The following PMFBP1 variants were observed in gnomAD, a reference collection of about 807,000 sequenced individuals.
PMFBP1 encodes the protein polyamine-modulated factor 1-binding protein 1.
PMFBP1 carries 131 observed loss-of-function variants against 137.8 expected under a neutral mutation model. The ratio of observed to expected loss-of-function variants is 0.95; its 90% CI spans 0.82 to 1.10. The LOEUF (loss-of-function observed/expected upper bound fraction) is 1.10. PMFBP1 is among the 50% of genes least tolerant of loss of function. The pLI, the probability that PMFBP1 is intolerant of heterozygous loss-of-function variation, is 0.00. For synonymous variants in PMFBP1, 490 were observed against 450.4 expected (o/e 1.09, Z -1.11); for missense variants, 1,199 against 1,175.4 (o/e 1.02, Z -0.29).
At chr16:72,230,086 T>C in the PMFBP1 span, among the ~76,000 whole-genome samples, 9 of 152,316 alleles carry the variant, frequency 5.9e-5, no homozygotes, top group Middle Eastern at 3.4e-3. Context: ...CATGTGATGA[T>C]TGAGTTGAAT....
chr16:72,128,599 C>T (rs2042498068), intron 14 of PMFBP1, 58 bp downstream of exon 14: 3 of 1,613,532 alleles, frequency 1.9e-6, no homozygotes, highest in Non-Finnish European at 2.5e-6. Context: ...GTACAGATTT[C>T]AGGTCAAGGG....
intron 5 of PMFBP1, among the ~76,000 whole-genome samples, chr16:72,149,226 G>C (rs1417328098): frequency 6.6e-6 from 1 of 152,196 alleles, no homozygotes; most frequent in Non-Finnish European, 1.5e-5. Context: ...CTACCCATCA[G>C]TGTTTAGCAC....
the PMFBP1 span, among the ~76,000 whole-genome samples, chr16:72,213,741 T>C: frequency 6.6e-6 from 1 of 152,214 alleles, no homozygotes; most frequent in Non-Finnish European, 1.5e-5. Flanking sequence ...CAGTGATAGA[T>C]AACTAATACA....
chr16:72,143,451 A>G (rs1382974760), intron 5 of PMFBP1, among the ~76,000 whole-genome samples: 1 of 152,224 alleles, frequency 6.6e-6, no homozygotes, highest in African/African-American at 2.4e-5. Flanking sequence ...CAACAGTAAT[A>G]ATACAATTAG....
chr16:72,235,397 A>G, the PMFBP1 span, among the ~76,000 whole-genome samples: 1 of 151,954 alleles, frequency 6.6e-6, no homozygotes, highest in Admixed American at 6.6e-5. Flanking sequence ...TTATGCCATT[A>G]CCACACTGTC....
the PMFBP1 span, among the ~76,000 whole-genome samples, chr16:72,233,414 G>C: frequency 6.6e-6 from 1 of 152,098 alleles, no homozygotes; most frequent in Non-Finnish European, 1.5e-5. Flanking sequence ...TGTTGGGCTT[G>C]GACACATTTA....
chr16:72,185,151 G>A, the PMFBP1 span, among the ~76,000 whole-genome samples: 1 of 151,976 alleles, frequency 6.6e-6, no homozygotes, highest in Non-Finnish European at 1.5e-5. Flanking sequence ...AGCCTCCTGA[G>A]TAGCTGGGAT....
chr16:72,124,668 G>C, intron 17 of PMFBP1, 99 bp downstream of exon 17: 5 of 1,427,044 alleles, frequency 3.5e-6, no homozygotes, highest in East Asian at 2.3e-5. Context: ...TTGCTCCCAG[G>C]CTCTCCCACC....
At chr16:72,136,331 G>A (rs2042630502) in intron 9 of PMFBP1, 117 bp downstream of exon 9, 3 of 1,183,196 alleles carry the variant, frequency 2.5e-6, no homozygotes, top group East Asian at 2.3e-5. Flanking sequence ...CCATCTCACT[G>A]TGCTTGTGTT....
At chr16:72,145,317 T>G (rs1379143099) in intron 5 of PMFBP1, among the ~76,000 whole-genome samples, 2 of 152,178 alleles carry the variant, frequency 1.3e-5, no homozygotes, top group Admixed American at 1.3e-4. Context: ...GAAATAAAGA[T>G]GTTCTTTGAA....
At chr16:72,153,094 A>G (rs368151635) in intron 4 of PMFBP1, among the ~76,000 whole-genome samples, 1 of 152,240 alleles carries the variant, frequency 6.6e-6, no homozygotes, top group Non-Finnish European at 1.5e-5. Context: ...CAACTCATTC[A>G]GGGTCACTTT....
intron 13 of PMFBP1, 57 bp downstream of exon 13, chr16:72,129,009 G>T: frequency 6.3e-7 from 1 of 1,575,882 alleles, no homozygotes. Context: ...AGGCCCAGGT[G>T]GGGTCATGTC....
chr16:72,177,212 C>T (rs1277767587), upstream of PMFBP1, among the ~76,000 whole-genome samples: 1 of 152,196 alleles, frequency 6.6e-6, no homozygotes, highest in Non-Finnish European at 1.5e-5. Flanking sequence ...ATTCTTTCTG[C>T]CTGTCCAAAG....
At chr16:72,215,445 T>A in the PMFBP1 span, among the ~76,000 whole-genome samples, 2 of 151,876 alleles carry the variant, frequency 1.3e-5, no homozygotes, top group Non-Finnish European at 2.9e-5. Flanking sequence ...GATAATCATA[T>A]CAGAAGATAA....
the PMFBP1 span, among the ~76,000 whole-genome samples, chr16:72,189,716 CTGAGACCA>C: frequency 0.024 from 3,648 of 152,294 alleles, 59 homozygotes; most frequent in Non-Finnish European, 0.036. Context: ...GACCAATTCA[CTGAGACCA>C]TGGTATTGCA....
At position 72,140,928 on chromosome 16, in the gene PMFBP1, C is replaced by CTTTTTTTTTTTTTT. The variant is rs35908141; in HGVS notation, c.637-360_637-347dup. 5.0e-4 allele frequency among the ~76,000 whole-genome samples: 35 copies of CTTTTTTTTTTTTTT among 69,796 alleles called. 3 individuals are homozygous for CTTTTTTTTTTTTTT. The highest frequency in any genetic ancestry group is 6.9e-4 in the Non-Finnish European group (27 of 39,210). The allele number at this position is 69,796 out of a possible 152,430, so 45.8% of individuals were successfully genotyped here. ...CACTTTTTTTCTTACACAAATGAGT[C>CTTTTTTTTTTTTTT]TTTTTTTTTTTTTTTTTTTTTTTTG... On this transcript the variant is annotated intron_variant, in intron 5 of 20. Transcript: ENST00000237353.
At chr16:72,169,433 G>A (rs1010728962) in intron 2 of PMFBP1, among the ~76,000 whole-genome samples, 3 of 152,038 alleles carry the variant, frequency 2.0e-5, no homozygotes, top group African/African-American at 7.2e-5. Context: ...TACAGTTTTT[G>A]CATTACTTAT....
the PMFBP1 span, among the ~76,000 whole-genome samples, chr16:72,239,599 G>T: frequency 6.6e-6 from 1 of 151,992 alleles, no homozygotes; most frequent in Non-Finnish European, 1.5e-5. Context: ...GTGCCTCCAA[G>T]AATGTTCCTG....
At chr16:72,214,799 A>C in the PMFBP1 span, among the ~76,000 whole-genome samples, 1 of 152,218 alleles carries the variant, frequency 6.6e-6, no homozygotes, top group Non-Finnish European at 1.5e-5. Flanking sequence ...GGGAGAAATC[A>C]TATCAAAGAA....
Sources: allele counts gnomAD v4.1 joint callset (sites outside exome capture counted in the v4.1 genomes callset), GRCh38; gene constraint gnomAD v4.1.1; transcripts MANE v1.5; gene names NCBI Gene and HGNC (gene_info 2026-07-23, HGNC 2026-07-21).